VPS8: variants seen among roughly 807,000 people sequenced by gnomAD.
The protein encoded by VPS8 is VPS8 subunit of CORVET complex, also known as vacuolar protein sorting-associated protein 8 homolog.
A neutral mutation model predicts 216.4 loss-of-function variants in VPS8; 129 were observed. That is an observed-to-expected ratio of 0.60 (90% CI 0.52 to 0.69). The LOEUF (loss-of-function observed/expected upper bound fraction) is 0.69. Ranked by LOEUF, VPS8 falls within the 30% of genes least tolerant of loss-of-function variation. VPS8 has a pLI of 0.00. For synonymous variants in VPS8, 571 were observed against 565.4 expected, an observed-to-expected ratio of 1.01 and a Z score of -0.14; for missense variants, 1,531 against 1,683.5, an observed-to-expected ratio of 0.91 and a Z score of 1.59.
At chr3:184,979,003 T>C (rs551018481) in intron 40 of VPS8, among the ~76,000 whole-genome samples, 4 of 152,342 alleles carry the variant, frequency 2.6e-5, no homozygotes, top group Non-Finnish European at 5.9e-5. Flanking sequence ...GCTGTATCTT[T>C]GTTTTCATTG....
intron 3 of VPS8, 111 bp from the exon 4 acceptor site, chr3:184,832,578 G>C (rs1720227914): frequency 1.1e-6 from 1 of 916,660 alleles, no homozygotes; most frequent in Admixed American, 3.0e-5. Context: ...TGGAATAGAG[G>C]CGAAAAGCAG....
At chr3:184,995,986 T>C (rs555504103) in intron 43 of VPS8, among the ~76,000 whole-genome samples, 2 of 152,350 alleles carry the variant, frequency 1.3e-5, no homozygotes, top group Non-Finnish European at 2.9e-5. Flanking sequence ...GCAGTTATTA[T>C]ATAAATGTAA....
intron 45 of VPS8, among the ~76,000 whole-genome samples, chr3:185,018,398 C>T (rs1477366135): frequency 6.6e-6 from 1 of 152,214 alleles, no homozygotes; most frequent in Non-Finnish European, 1.5e-5. Flanking sequence ...ATTCACACTA[C>T]TCTAAGCTGC....
At chr3:184,900,583 C>A (rs1734304836) in intron 24 of VPS8, among the ~76,000 whole-genome samples, 1 of 152,186 alleles carries the variant, frequency 6.6e-6, no homozygotes, top group Admixed American at 6.5e-5. Context: ...TCTATTACCA[C>A]TTTAGTGGGA....
intron 35 of VPS8, among the ~76,000 whole-genome samples, chr3:184,938,749 G>A (rs1347547483): frequency 2.7e-5 from 4 of 150,922 alleles, no homozygotes; most frequent in Non-Finnish European, 5.9e-5. Flanking sequence ...AAGTATGGGC[G>A]GGGCACAGTG....
chr3:184,931,680 A>G (rs559537632), intron 34 of VPS8, among the ~76,000 whole-genome samples: 1 of 152,324 alleles, frequency 6.6e-6, no homozygotes, highest in African/African-American at 2.4e-5. Flanking sequence ...GATTGAGAAC[A>G]TGGAATATGT....
At chr3:185,001,725 T>A (rs774850645) in intron 45 of VPS8, among the ~76,000 whole-genome samples, 4 of 152,210 alleles carry the variant, frequency 2.6e-5, no homozygotes, top group Non-Finnish European at 5.9e-5. Flanking sequence ...CCTCTAACCA[T>A]GGCTTGGTCT....
Position 184,999,777 on chromosome 3 carries a change from C to G in VPS8, c.3918C>G (p.Cys1306Trp). ...TTGAGGGCCAAACAAGATGGACATG[C>G]TACAAATGCAGTTCAAGTAACAAAG... ...VEFEGQTRWT[C>W]YKCSSSNKVG... The change falls in exon 45 of 48, where the codon TGC (cysteine) becomes TGG (tryptophan). Residue 1306 changes from cysteine (C) to tryptophan (W), a missense_variant. Transcript: ENST00000625842. 1.2e-6 allele frequency: 2 copies of G among 1,613,056 alleles called. No individual in the cohort carries two copies. Among genetic ancestry groups the G allele is most frequent in the Non-Finnish European group, 1.7e-6 (2 of 1,179,508 alleles).
chr3:184,911,735 T>C (rs1275481034), intron 25 of VPS8, among the ~76,000 whole-genome samples: 1 of 152,218 alleles, frequency 6.6e-6, no homozygotes, highest in African/African-American at 2.4e-5. Flanking sequence ...CTGAGAAAGC[T>C]GGACGAGCTC....
chr3:184,913,534 T>A lies in VPS8; in HGVS notation c.2162T>A (p.Met721Lys). Reference protein sequence around the residue: ...GKTLTDEQVVMGNKLLVYISC... With the variant: ...GKTLTDEQVVKGNKLLVYISC... ...TCTATTTTAGATGAACAAGTTGTTA[T>A]GGGCAATAAGCTCCTTGTATATATT... The change falls in exon 26 of 48, where the codon ATG becomes AAG. Residue 721 changes from methionine to lysine, a missense_variant. Around this residue, in one of 3 missense-constraint regions of VPS8, gnomAD observed 1,318 missense variants for 1,468.4 expected, o/e 0.90. Coordinates refer to ENST00000625842, the MANE Select transcript of VPS8 (RefSeq NM_001009921.3). The A allele has an allele frequency of 6.3e-7, 1 of 1,589,192 alleles. No homozygotes were observed. Among genetic ancestry groups the A allele is most frequent in the Non-Finnish European group, 8.6e-7 (1 of 1,168,116 alleles).
intron 46 of VPS8, among the ~76,000 whole-genome samples, chr3:185,042,987 T>A (rs1712027052): frequency 6.6e-6 from 1 of 152,104 alleles, no homozygotes; most frequent in Non-Finnish European, 1.5e-5. Context: ...AAACAGAAGA[T>A]ACTTAGGTTC....
At chr3:185,020,275 A>G (rs1756457695) in intron 45 of VPS8, among the ~76,000 whole-genome samples, 1 of 152,222 alleles carries the variant, frequency 6.6e-6, no homozygotes, top group South Asian at 2.1e-4. Context: ...CATATCATAG[A>G]AGAATATTGA....
chr3:185,030,205 G>A (rs573017691), intron 46 of VPS8, among the ~76,000 whole-genome samples: 4 of 152,308 alleles, frequency 2.6e-5, no homozygotes, highest in Non-Finnish European at 4.4e-5. Context: ...TTAGTTGGGG[G>A]CAGCATCAGA....
At chr3:184,930,414 A>G in intron 33 of VPS8, 56 bp from the exon 34 acceptor site, 1 of 1,274,466 alleles carries the variant, frequency 7.8e-7, no homozygotes, top group Non-Finnish European at 1.1e-6. Flanking sequence ...TTCAGTTGGT[A>G]GGGACTAAAT....
intron 40 of VPS8, among the ~76,000 whole-genome samples, chr3:184,980,781 A>G (rs1750071532): frequency 6.6e-6 from 1 of 152,166 alleles, no homozygotes; most frequent in Non-Finnish European, 1.5e-5. Context: ...AATCTCAAAC[A>G]TCTTCATTCC....
intron 8 of VPS8, among the ~76,000 whole-genome samples, chr3:184,844,993 A>G (rs1375288210): frequency 6.6e-6 from 1 of 152,256 alleles, no homozygotes; most frequent in Non-Finnish European, 1.5e-5. Context: ...CAGGGTAACC[A>G]TTATTAAGAC....
chr3:185,032,356 C>T (rs1170940216), intron 46 of VPS8, among the ~76,000 whole-genome samples: 1 of 152,094 alleles, frequency 6.6e-6, no homozygotes. Flanking sequence ...AACGCTCCAA[C>T]CATAAGATCT....
chr3:184,967,241 G>C (rs1264605182), intron 39 of VPS8, among the ~76,000 whole-genome samples: 2 of 152,130 alleles, frequency 1.3e-5, no homozygotes, highest in Non-Finnish European at 2.9e-5. Flanking sequence ...TGAGATTGTA[G>C]ACATAAGCCA....
chr3:184,860,172 A>G (rs1310803691), intron 15 of VPS8, 107 bp downstream of exon 15: 1 of 981,956 alleles, frequency 1.0e-6, no homozygotes, highest in South Asian at 1.5e-5. Context: ...TACCTTTAAG[A>G]TCATATGAAA....
Sources: allele counts gnomAD v4.1 joint callset (sites outside exome capture counted in the v4.1 genomes callset), GRCh38; gene constraint gnomAD v4.1.1; regional missense constraint gnomAD v4.1.1; transcripts MANE v1.5; gene names NCBI Gene and HGNC (gene_info 2026-07-23, HGNC 2026-07-21).